RABGAP1L: variants seen among roughly 807,000 people sequenced by gnomAD.
The protein encoded by RABGAP1L is rab GTPase-activating protein 1-like.
Under a neutral mutation model 137.7 loss-of-function variants are expected in RABGAP1L, and 63 were observed. That is an observed-to-expected ratio of 0.46 (90% confidence interval 0.37 to 0.56). The LOEUF is 0.56. Among genes scored for constraint, RABGAP1L ranks in the 20% least tolerant of loss-of-function variants. The probability of loss-of-function intolerance (pLI) is 0.00; values close to 1 mark genes in which losing one functional copy is unlikely to be tolerated. For missense variants in RABGAP1L, 1,095 were observed against 1,244.0 expected (o/e 0.88, Z 1.80); for synonymous variants, 431 against 433.7 (o/e 0.99, Z 0.08).
chr1:174,607,934 A>G (rs1302387104), intron 13 of RABGAP1L, among the ~76,000 whole-genome samples: 1 of 152,144 alleles, frequency 6.6e-6, no homozygotes, highest in Admixed American at 6.5e-5. Flanking sequence ...CCTCCAAGCA[A>G]CCCTTACGAA....
At chr1:174,256,979 G>C (rs1673187385) in intron 7 of RABGAP1L, among the ~76,000 whole-genome samples, 1 of 152,050 alleles carries the variant, frequency 6.6e-6, no homozygotes, top group African/African-American at 2.4e-5. Flanking sequence ...ATGTAAACCA[G>C]AGCTTTCCCT....
chr1:174,189,577 A>G (rs1667060867), intron 1 of RABGAP1L, among the ~76,000 whole-genome samples: 2 of 152,162 alleles, frequency 1.3e-5, no homozygotes, highest in Admixed American at 1.3e-4. Context: ...GGTTTTTCAG[A>G]GGTGATTGGG....
At chr1:174,182,828 A>G (rs1172516126) in intron 1 of RABGAP1L, among the ~76,000 whole-genome samples, 2 of 152,228 alleles carry the variant, frequency 1.3e-5, no homozygotes, top group African/African-American at 2.4e-5. Context: ...AAATACATCA[A>G]CTATTTTGAT....
At chr1:174,421,915 T>C (rs138857969) in intron 13 of RABGAP1L, among the ~76,000 whole-genome samples, 471 of 152,264 alleles carry the variant, frequency 3.1e-3, no homozygotes, top group Non-Finnish European at 5.0e-3. Flanking sequence ...ATTACAGGCA[T>C]GTGCCACCAT....
intron 13 of RABGAP1L, among the ~76,000 whole-genome samples, chr1:174,467,463 C>T (rs1657429368): frequency 1.3e-5 from 2 of 151,274 alleles, no homozygotes; most frequent in African/African-American, 4.9e-5. Flanking sequence ...CTGGGTATTT[C>T]ACTTAGCCAT....
intron 18 of RABGAP1L, among the ~76,000 whole-genome samples, chr1:174,783,031 T>C (rs938161174): frequency 1.3e-5 from 2 of 152,162 alleles, no homozygotes; most frequent in Admixed American, 6.5e-5. Context: ...ACTCTTTTGG[T>C]CCATGTTTGT....
intron 5 of RABGAP1L, 24 bp downstream of exon 5, chr1:174,241,681 T>A: frequency 6.5e-7 from 1 of 1,538,190 alleles, no homozygotes; most frequent in Non-Finnish European, 8.9e-7. Context: ...AGTATAGCAA[T>A]TTGCTATAGA....
chr1:174,516,019 C>G (rs1662801593), intron 13 of RABGAP1L, among the ~76,000 whole-genome samples: 1 of 151,698 alleles, frequency 6.6e-6, no homozygotes, highest in Non-Finnish European at 1.5e-5. Context: ...AATGATAGTT[C>G]CTGGAAAATC....
chr1:174,892,439 GTTCA>G, intron 19 of RABGAP1L: 1 of 427,102 alleles, frequency 2.3e-6, no homozygotes, highest in East Asian at 7.1e-5. Context: ...ACACGAAATT[GTTCA>G]TCAGCGTTAT....
At chr1:174,856,237 C>T (rs1649258591) in intron 19 of RABGAP1L, among the ~76,000 whole-genome samples, 1 of 151,716 alleles carries the variant, frequency 6.6e-6, no homozygotes, top group Non-Finnish European at 1.5e-5. Flanking sequence ...TCTACTAAAA[C>T]TACAAAAAAT....
At chr1:174,380,229 G>T (rs1482006925) in intron 12 of RABGAP1L, among the ~76,000 whole-genome samples, 13 of 152,274 alleles carry the variant, frequency 8.5e-5, no homozygotes, top group African/African-American at 3.1e-4. Flanking sequence ...TGTTCATCAA[G>T]TATATTGGTC....
At chr1:174,766,959 A>G (rs1420050362) in intron 18 of RABGAP1L, among the ~76,000 whole-genome samples, 1 of 152,126 alleles carries the variant, frequency 6.6e-6, no homozygotes, top group Non-Finnish European at 1.5e-5. Context: ...GGTATCCACA[A>G]CCCCTTATCT....
chr1:174,978,853 T>C lies in RABGAP1L; in HGVS notation c.2696T>C (p.Ile899Thr), dbSNP rs1471276412. Residue 899 changes from isoleucine to threonine, a missense_variant, in exon 23 of 26, where the codon ATA (isoleucine) becomes ACA (threonine). By Grantham distance (89) the Ile-to-Thr change is moderately conservative. Transcript: ENST00000681986. ...RKQLEKAEYE[I>T]KKTTAIIAEY... is the part of the protein sequence containing the mutation. Reference sequence around the variant, plus strand: ...CAGCTAGAGAAGGCAGAATATGAAATAAAGAAGACTACAGCTATCATTGCT... The same window carrying C: ...CAGCTAGAGAAGGCAGAATATGAAACAAAGAAGACTACAGCTATCATTGCT... 1.3e-6 allele frequency: 2 copies of C among 1,545,966 alleles called. No individual in the cohort carries two copies. The highest frequency in any genetic ancestry group is 1.4e-5 in the African/African-American group (1 of 72,544).
At chr1:174,400,557 A>G (rs1178369782) in intron 13 of RABGAP1L, among the ~76,000 whole-genome samples, 1 of 152,168 alleles carries the variant, frequency 6.6e-6, no homozygotes, top group African/African-American at 2.4e-5. Flanking sequence ...TCCATCAACT[A>G]TAGCCTTATA....
rs1350113720 is a variant in RABGAP1L at position 174,278,647 on chromosome 1, G to A, written c.1191G>A (p.Met397Ile). Residue 397 changes from methionine (M) to isoleucine (I), a missense_variant, in exon 10 of 26, where the codon ATG becomes ATA. Around this residue, in one of 4 missense-constraint regions of RABGAP1L, gnomAD observed 112 missense variants for 157.3 expected, o/e 0.71. Transcript: ENST00000681986. ...KQVYMTVAVDMVVTEVVEPVR... is the reference protein window; with the variant it reads ...KQVYMTVAVDIVVTEVVEPVR... Reference sequence around the variant, plus strand: ...TATACATGACTGTGGCAGTGGATATGGTAGTCACAGAGGTGGTGGAGCCTG... The same window carrying A: ...TATACATGACTGTGGCAGTGGATATAGTAGTCACAGAGGTGGTGGAGCCTG... The A allele has an allele frequency of 1.2e-6, 2 of 1,613,358 alleles. No homozygotes were observed. Among genetic ancestry groups the A allele is most frequent in the Admixed American group, 3.3e-5 (2 of 59,916 alleles).
At chr1:174,698,662 A>C (rs550207811) in intron 15 of RABGAP1L, among the ~76,000 whole-genome samples, 1 of 152,152 alleles carries the variant, frequency 6.6e-6, no homozygotes, top group Non-Finnish European at 1.5e-5. Flanking sequence ...ATGGAATACT[A>C]TGTAATTGCT....
At chr1:174,964,569 AG>A (rs1669447531) in intron 20 of RABGAP1L, among the ~76,000 whole-genome samples, 1 of 152,198 alleles carries the variant, frequency 6.6e-6, no homozygotes, top group Non-Finnish European at 1.5e-5. Context: ...CTATTTTGCA[AG>A]ATTTCTGACC....
intron 13 of RABGAP1L, among the ~76,000 whole-genome samples, chr1:174,625,261 C>T (rs950244318): frequency 4.6e-5 from 7 of 152,136 alleles, no homozygotes; most frequent in Non-Finnish European, 8.8e-5. Context: ...TTATAGGCTC[C>T]GTAGAGTCAG....
At chr1:174,486,230 T>C (rs558286205) in intron 13 of RABGAP1L, among the ~76,000 whole-genome samples, 12 of 149,750 alleles carry the variant, frequency 8.0e-5, no homozygotes, top group South Asian at 4.2e-4. Flanking sequence ...TTTCTTTTTT[T>C]TTTTTTTTTG....
Sources: allele counts gnomAD v4.1 joint callset (sites outside exome capture counted in the v4.1 genomes callset), GRCh38; gene constraint gnomAD v4.1.1; regional missense constraint gnomAD v4.1.1; transcripts MANE v1.5; gene names NCBI Gene and HGNC (gene_info 2026-07-23, HGNC 2026-07-21).